NUP43: variants seen among roughly 807,000 people sequenced by gnomAD.
NUP43 encodes the protein nucleoporin Nup43.
NUP43 carries 32 observed loss-of-function variants against 47.3 expected under a neutral mutation model. The ratio of observed to expected loss-of-function variants is 0.68; its 90% CI spans 0.51 to 0.91. The LOEUF (loss-of-function observed/expected upper bound fraction) is 0.91. NUP43 is among the 40% of genes least tolerant of loss of function. The pLI is 0.00. For synonymous variants in NUP43, 147 were observed against 158.4 expected (o/e 0.93, Z 0.54); for missense variants, 444 against 453.9 (o/e 0.98, Z 0.20).
intron 3 of NUP43, 93 bp from the exon 4 acceptor site, chr6:149,742,663 C>T (rs1459048969): frequency 4.6e-6 from 4 of 879,084 alleles, no homozygotes; most frequent in East Asian, 2.6e-5. Flanking sequence ...TGACTCACAC[C>T]CTTCTACAAG....
In NUP43 at chr6:149,746,517, T is replaced by C. The variant is rs770344559; in HGVS notation, c.-22A>G. The C allele has an allele frequency of 1.6e-5, 26 of 1,614,008 alleles. No individual in the cohort carries two copies. Among genetic ancestry groups the C allele is most frequent in the African/African-American group, 4.0e-5 (3 of 74,898 alleles). Reference sequence around the variant, plus strand: ...CCATGCCGAAAGCGGCCGCAGCAGGTACTGCAAAAAGCAAGCACAGTACGC... The same window carrying C: ...CCATGCCGAAAGCGGCCGCAGCAGGCACTGCAAAAAGCAAGCACAGTACGC... On this transcript the variant is annotated 5_prime_UTR_variant, in exon 1 of 8. Transcript: ENST00000340413.
intron 6 of NUP43, among the ~76,000 whole-genome samples, chr6:149,732,189 A>G (rs1301945632): frequency 6.6e-6 from 1 of 151,178 alleles, no homozygotes; most frequent in Non-Finnish European, 1.5e-5. Context: ...CTGAGAAAAA[A>G]AAAAAAAAAA....
At chr6:149,739,330 A>C (rs1477847884) in intron 4 of NUP43, among the ~76,000 whole-genome samples, 1 of 151,964 alleles carries the variant, frequency 6.6e-6, no homozygotes, top group Non-Finnish European at 1.5e-5. Flanking sequence ...TCTGTCACCC[A>C]GGCTAGAGGG....
intron 1 of NUP43, 52 bp downstream of exon 1, chr6:149,746,324 C>A: frequency 6.2e-7 from 1 of 1,600,848 alleles, no homozygotes. Flanking sequence ...CAGGGGTCAG[C>A]TCAACCGGAG....
At chr6:149,730,370 T>C (rs751439972) in intron 7 of NUP43, among the ~76,000 whole-genome samples, 1 of 152,196 alleles carries the variant, frequency 6.6e-6, no homozygotes, top group Non-Finnish European at 1.5e-5. Context: ...TTTCTTGCCA[T>C]TCACACAAAC....
At position 149,731,470 on chromosome 6, in the gene NUP43, C is replaced by T. The variant is rs149918739; in HGVS notation, c.913+143G>A. 5.2e-3 allele frequency: 3,208 copies of T among 621,706 alleles called. 81 individuals carry two copies. In the African/African-American group the frequency reaches 0.055, roughly 11 times the overall value. 38.5% of individuals were successfully genotyped at this position (621,706 alleles called of 1,614,324 possible). A position where few individuals can be genotyped will look rare whatever the true frequency, so the allele number is the denominator to read the frequency against. On this transcript the variant is annotated intron_variant, in intron 7 of 7. Transcript: ENST00000340413. ...CCTGGCTACTCGGGAGGCTGAGGCA[C>T]GAGAATCGCTTGAACCCAGGAGGCG... is the stretch of plus-strand genomic sequence containing the variant.
intron 6 of NUP43, among the ~76,000 whole-genome samples, chr6:149,735,543 T>A (rs1161579728): frequency 7.3e-6 from 1 of 137,116 alleles, no homozygotes; most frequent in Non-Finnish European, 1.5e-5. Context: ...TGCAATGAGC[T>A]ATGATCACAC....
At position 149,732,361 on chromosome 6, in the gene NUP43, C is replaced by G. The variant is rs530069876; in HGVS notation, c.791-626G>C. On this transcript the variant is annotated intron_variant, in intron 6 of 7. Coordinates refer to ENST00000340413, the MANE Select transcript of NUP43 (RefSeq NM_198887.3). Reference sequence around the variant, plus strand: ...AGGAGTTCAAGACCAGCCTGGCCAACGTGGTGAAACTCCGTCTCTACTAAA... The same window carrying G: ...AGGAGTTCAAGACCAGCCTGGCCAAGGTGGTGAAACTCCGTCTCTACTAAA... Among the ~76,000 whole-genome samples, 34 of 147,170 alleles carry G rather than the reference C, an allele frequency of 2.3e-4. No homozygotes were observed. The South Asian group carries it at 6.9e-3, about 30-fold the overall frequency.
At chr6:149,728,640 C>T (rs915647110) in intron 7 of NUP43, among the ~76,000 whole-genome samples, 1 of 152,156 alleles carries the variant, frequency 6.6e-6, no homozygotes, top group African/African-American at 2.4e-5. Context: ...TTCTCCTCCC[C>T]CTCCCATAAG....
At chr6:149,731,473 G>C in intron 7 of NUP43, 140 bp downstream of exon 7, 1 of 641,480 alleles carries the variant, frequency 1.6e-6, no homozygotes. Context: ...TGAGGCACGA[G>C]AATCGCTTGA....
chr6:149,746,040 G>C lies in NUP43; in HGVS notation c.143C>G (p.Ser48Cys). ...DNEENYISLW[S>C]IGDFGNLDSD... Reference sequence around the variant, plus strand: ...GTCCAAGTTTCCAAAATCTCCAATAGACCACAGTGAAATATAATTTTCCTG... The same window carrying C: ...GTCCAAGTTTCCAAAATCTCCAATACACCACAGTGAAATATAATTTTCCTG... The change falls in exon 2 of 8, where the codon TCT becomes TGT. Residue 48 changes from serine (S) to cysteine (C), a missense_variant. Transcript: ENST00000340413. The C allele has an allele frequency of 6.2e-7, 1 of 1,613,644 alleles. No homozygotes were observed. The highest frequency in any genetic ancestry group is 8.5e-7 in the Non-Finnish European group (1 of 1,179,878).
chr6:149,746,732 G>A, upstream of NUP43: 1 of 1,421,300 alleles, frequency 7.0e-7, no homozygotes, highest in African/African-American at 1.4e-5. Context: ...TGAGCAGTAG[G>A]ACTTGCTCCT....
chr6:149,738,270 C>A (rs938364522), intron 5 of NUP43, among the ~76,000 whole-genome samples: 1 of 152,008 alleles, frequency 6.6e-6, no homozygotes, highest in Non-Finnish European at 1.5e-5. Flanking sequence ...TATTTTCTTA[C>A]GAGAGAACGT....
intron 6 of NUP43, among the ~76,000 whole-genome samples, chr6:149,736,233 C>T (rs987512019): frequency 3.3e-5 from 5 of 151,676 alleles, no homozygotes; most frequent in East Asian, 1.9e-4. Context: ...GCCAAGATAG[C>T]GCCATTGCAC....
Position 149,743,715 on chromosome 6 carries a change from A to C in NUP43, c.244T>G (p.Phe82Val). The change falls in exon 3 of 8, where the codon TTT becomes GTT. Residue 82 changes from phenylalanine to valine, a missense_variant and splice_region_variant. Coordinates refer to ENST00000340413, the MANE Select transcript of NUP43 (RefSeq NM_198887.3). ...GCGACAATTCTTTCCTGGTCAAAAA[A>C]CTAAAGAGAAAATTTCTGCTTGTTA... ...RHHGDVMDLQFFDQERIVAAS... is the reference protein window; with the variant it reads ...RHHGDVMDLQVFDQERIVAAS... 1 of 1,601,552 alleles carries C rather than the reference A, an allele frequency of 6.2e-7. No homozygotes were observed. The highest frequency in any genetic ancestry group is 1.1e-5 in the South Asian group (1 of 89,382).
intron 6 of NUP43, among the ~76,000 whole-genome samples, chr6:149,734,010 G>A (rs9767281): frequency 0.011 from 1,651 of 151,444 alleles, 45 homozygotes; most frequent in African/African-American, 0.039. Flanking sequence ...TTTTAGTAGC[G>A]ACGGGCTTTC....
intron 7 of NUP43, among the ~76,000 whole-genome samples, chr6:149,731,205 G>C (rs530794842): frequency 5.3e-4 from 80 of 152,198 alleles, no homozygotes; most frequent in African/African-American, 1.8e-3. Context: ...GAGAGGCAGA[G>C]GTTGCAGTGA....
rs1784721624 is a variant in NUP43, at chr6:149,724,480, G to A, written c.*2489C>T. On this transcript the variant is annotated 3_prime_UTR_variant, in exon 8 of 8. Transcript: ENST00000340413. ...GGACTGTACCCTTTTACAGGATTGA[G>A]TGTTTTGGATCCCACTCACACACTA... 1 of 152,158 alleles carries A rather than the reference G, an allele frequency of 6.6e-6. No homozygotes were observed. The highest frequency in any genetic ancestry group is 2.4e-5 in the African/African-American group (1 of 41,436). 9.4% of individuals were successfully genotyped at this position (152,158 alleles called of 1,614,324 possible). A position where few individuals can be genotyped will look rare whatever the true frequency, so the allele number is the denominator to read the frequency against.
chr6:149,741,131 C>CA (rs1785632470), intron 4 of NUP43, among the ~76,000 whole-genome samples: 1 of 151,810 alleles, frequency 6.6e-6, no homozygotes, highest in South Asian at 2.1e-4. Context: ...ACTGTCTTGA[C>CA]AAAGGGATCC....
Sources: allele counts gnomAD v4.1 joint callset (sites outside exome capture counted in the v4.1 genomes callset), GRCh38; gene constraint gnomAD v4.1.1; transcripts MANE v1.5; gene names NCBI Gene and HGNC (gene_info 2026-07-23, HGNC 2026-07-21).